The following MPDZ variants were observed in gnomAD, a reference collection of about 807,000 sequenced individuals.
MPDZ encodes multiple PDZ domain crumbs cell polarity complex component.
MPDZ carries 234 observed loss-of-function variants against 239.1 expected under a neutral mutation model. The observed-to-expected ratio is 0.98, with a 90% CI of 0.88 to 1.09. The LOEUF (loss-of-function observed/expected upper bound fraction) is 1.09, where lower values mean the gene tolerates loss of function less well. Ranked by LOEUF, MPDZ falls within the 50% of genes least tolerant of loss-of-function variation. MPDZ has a pLI of 0.00. For missense variants in MPDZ, 3,175 were observed against 2,510.0 expected, an observed-to-expected ratio of 1.26 and a Z score of -5.66; for synonymous variants, 1,048 against 881.3, an observed-to-expected ratio of 1.19 and a Z score of -3.35.
At chr9:13,230,788 A>C (rs1962191971) in intron 3 of MPDZ, among the ~76,000 whole-genome samples, 1 of 152,140 alleles carries the variant, frequency 6.6e-6, no homozygotes, top group South Asian at 2.1e-4. Context: ...ATTTAAAACA[A>C]ATTTTTAACT....
At chr9:13,180,388 G>A (rs139458774) in intron 19 of MPDZ, among the ~76,000 whole-genome samples, 25 of 152,248 alleles carry the variant, frequency 1.6e-4, no homozygotes, top group Admixed American at 5.2e-4. Flanking sequence ...ATTCAAGAAC[G>A]AAGGATAGAC....
intron 17 of MPDZ, among the ~76,000 whole-genome samples, chr9:13,188,120 T>C (rs919500946): frequency 1.3e-5 from 2 of 152,200 alleles, no homozygotes; most frequent in Non-Finnish European, 2.9e-5. Context: ...TGTTAGTTAA[T>C]GCTATTAATT....
chr9:13,229,965 G>C (rs1961891885), intron 3 of MPDZ, among the ~76,000 whole-genome samples: 1 of 151,650 alleles, frequency 6.6e-6, no homozygotes, highest in Non-Finnish European at 1.5e-5. Flanking sequence ...CTCATATCTA[G>C]AATATATAAA....
intron 18 of MPDZ, among the ~76,000 whole-genome samples, chr9:13,185,440 C>G (rs1953961578): frequency 6.6e-6 from 1 of 152,020 alleles, no homozygotes; most frequent in African/African-American, 2.4e-5. Context: ...TAATGAAACT[C>G]AAACAAGTAT....
chr9:13,117,543 AAG>A (rs1554643815), intron 39 of MPDZ, among the ~76,000 whole-genome samples: 1 of 151,710 alleles, frequency 6.6e-6, no homozygotes, highest in South Asian at 2.1e-4. Flanking sequence ...AAAAAAAAAA[AAG>A]GTGTCATGAA....
rs1318857531 is a variant in MPDZ, at chr9:13,150,767, T to G, written c.3453-79A>C. ...TCATGATGCTGAATTTGGCAATGAT[T>G]TCTTATATATAACACCAAAGGCACA... On this transcript the variant is annotated intron_variant, in intron 24 of 46. Coordinates refer to ENST00000319217, the MANE Select transcript of MPDZ (RefSeq NM_001378778.1). 3.1e-6 allele frequency: 3 copies of G among 965,452 alleles called. No individual in the cohort carries two copies. In the African/African-American group the frequency reaches 5.1e-5, roughly 16 times the overall value. 59.8% of individuals were successfully genotyped at this position (965,452 alleles called of 1,614,324 possible).
In MPDZ at chr9:13,168,646, T is replaced by C. The variant is rs368389846; in HGVS notation, c.3056-82A>G. 650 of 1,081,442 alleles carry C rather than the reference T, an allele frequency of 6.0e-4. 6 individuals are homozygous for C. In the African/African-American group the frequency reaches 9.7e-3, roughly 16 times the overall value. 67.0% of individuals were successfully genotyped at this position (1,081,442 alleles called of 1,614,324 possible). ...AATTTGAATTTAATAATTTCTATGA[T>C]TTATAGATTAAAAAATACAAGTAAC... On this transcript the variant is annotated intron_variant, in intron 21 of 46. Coordinates refer to ENST00000319217, the MANE Select transcript of MPDZ (RefSeq NM_001378778.1).
At chr9:13,197,158 A>ACTCT (rs1955751700) in intron 12 of MPDZ, among the ~76,000 whole-genome samples, 1 of 101,528 alleles carries the variant, frequency 9.8e-6, no homozygotes, top group African/African-American at 2.6e-5. Context: ...TAAACAATAA[A>ACTCT]CTATATATAT....
In MPDZ at chr9:13,224,369, C is replaced by G; in HGVS notation, c.393+5G>C. Reference sequence around the variant, plus strand: ...ACAATAACTAACAGAAAGAAATGTTCTTACCTGGGCCATATTTTTGATAAG... The same window carrying G: ...ACAATAACTAACAGAAAGAAATGTTGTTACCTGGGCCATATTTTTGATAAG... On this transcript the variant is annotated splice_donor_5th_base_variant and intron_variant, in intron 4 of 46. Transcript: ENST00000319217. 1.2e-6 allele frequency: 2 copies of G among 1,607,016 alleles called. No homozygotes were observed. Among genetic ancestry groups the G allele is most frequent in the Non-Finnish European group, 1.7e-6 (2 of 1,175,586 alleles).
rs761667833 is a variant in MPDZ at position 13,192,313 on chromosome 9, T to C, written c.1804-18A>G. Reference sequence around the variant, plus strand: ...CCATTTACCTGTGAAAAAAGATACATTGTCCAACAAACAACACTTCATAAT... The same window carrying C: ...CCATTTACCTGTGAAAAAAGATACACTGTCCAACAAACAACACTTCATAAT... On this transcript the variant is annotated intron_variant, in intron 14 of 46. Transcript: ENST00000319217. The C allele has an allele frequency of 8.9e-6, 14 of 1,579,072 alleles. No individual in the cohort carries two copies. The highest frequency in any genetic ancestry group is 2.3e-5 in the East Asian group (1 of 43,780).
Position 13,199,756 on chromosome 9 carries a change from TCC to T in MPDZ, c.1547-3528_1547-3527del, listed in dbSNP as rs1263956099. 2.0e-5 allele frequency among the ~76,000 whole-genome samples: 3 copies of T among 152,104 alleles called. 1 individual carries two copies. The highest frequency in any genetic ancestry group is 2.9e-5 in the Non-Finnish European group (2 of 67,978). ...GCTTCTTCAGCATCTATTTGATGTA[TCC>T]CATTTACTGATTGGCATATGTTGAA... On this transcript the variant is annotated intron_variant, in intron 12 of 46. Coordinates refer to ENST00000319217, the MANE Select transcript of MPDZ (RefSeq NM_001378778.1).
intron 22 of MPDZ, among the ~76,000 whole-genome samples, chr9:13,165,181 G>C (rs1029379424): frequency 6.6e-6 from 1 of 152,076 alleles, no homozygotes; most frequent in South Asian, 2.1e-4. Context: ...ATGTGAAAAC[G>C]TAACAATCTC....
At chr9:13,179,884 C>T (rs929057038) in intron 19 of MPDZ, among the ~76,000 whole-genome samples, 1 of 152,032 alleles carries the variant, frequency 6.6e-6, no homozygotes, top group Admixed American at 6.6e-5. Context: ...ATAGCCATAA[C>T]CTGCTTTTCT....
chr9:13,221,343 A>G (rs1330428780), intron 7 of MPDZ, 29 bp downstream of exon 7: 2 of 1,565,170 alleles, frequency 1.3e-6, no homozygotes, highest in Middle Eastern at 1.7e-4. Context: ...TTGATAAAAT[A>G]GCATAAAAGA....
chr9:13,142,075 A>G (rs541572871), intron 27 of MPDZ, among the ~76,000 whole-genome samples: 1 of 152,292 alleles, frequency 6.6e-6, no homozygotes, highest in Admixed American at 6.5e-5. Flanking sequence ...AAAAAAATTT[A>G]CTTCTCTGTA....
chr9:13,168,959 T>G (rs1316298854), intron 21 of MPDZ, among the ~76,000 whole-genome samples: 2 of 152,162 alleles, frequency 1.3e-5, no homozygotes, highest in East Asian at 3.9e-4. Context: ...AAATTCATCA[T>G]GTAAATTAAG....
At chr9:13,158,257 C>G (rs558458871) in intron 23 of MPDZ, 147 bp from the exon 24 acceptor site, 1 of 627,344 alleles carries the variant, frequency 1.6e-6, no homozygotes, top group African/African-American at 1.9e-5. Flanking sequence ...ATTTTTACAT[C>G]GGGGGGAAGA....
intron 25 of MPDZ, among the ~76,000 whole-genome samples, chr9:13,147,917 C>T (rs1948653255): frequency 6.6e-6 from 1 of 152,014 alleles, no homozygotes; most frequent in African/African-American, 2.4e-5. Flanking sequence ...TGCTTCTGCA[C>T]TCCTTACATT....
intron 25 of MPDZ, among the ~76,000 whole-genome samples, chr9:13,148,467 G>A (rs1039904043): frequency 6.6e-6 from 1 of 151,950 alleles, no homozygotes. Context: ...CACAACTCTA[G>A]AAAAGAACAT....
Sources: allele counts gnomAD v4.1 joint callset (sites outside exome capture counted in the v4.1 genomes callset), GRCh38; gene constraint gnomAD v4.1.1; transcripts MANE v1.5; gene names NCBI Gene and HGNC (gene_info 2026-07-23, HGNC 2026-07-21).